DPP6: variants seen among roughly 807,000 people sequenced by gnomAD.
The protein encoded by DPP6 is dipeptidyl peptidase like 6.
In DPP6, 69 loss-of-function variants were observed where a neutral mutation model predicts 122.6. The observed-to-expected ratio is 0.56, with a 90% CI of 0.46 to 0.69. The LOEUF (loss-of-function observed/expected upper bound fraction) is 0.69. DPP6 is among the 30% of genes least tolerant of loss of function. The probability of loss-of-function intolerance (pLI) is 0.00; values close to 1 mark genes in which losing one functional copy is unlikely to be tolerated. For synonymous variants in DPP6, 418 were observed against 433.1 expected (o/e 0.97, Z 0.43); for missense variants, 928 against 1,116.9 (o/e 0.83, Z 2.41).
chr7:154,621,257 T>C (rs989357870), intron 5 of DPP6, among the ~76,000 whole-genome samples: 5 of 152,238 alleles, frequency 3.3e-5, no homozygotes, highest in African/African-American at 1.2e-4. Context: ...GTTTATGTCA[T>C]GTATTAAAAA....
chr7:153,957,229 A>C (rs1436441782), intron 1 of DPP6, among the ~76,000 whole-genome samples: 2 of 152,286 alleles, frequency 1.3e-5, no homozygotes, highest in East Asian at 3.9e-4. Context: ...TGTCAGAAAA[A>C]TCAGTACAGA....
At chr7:154,057,419 T>A (rs1198837558) in intron 1 of DPP6, 3 of 196,240 alleles carry the variant, frequency 1.5e-5, no homozygotes, top group Non-Finnish European at 2.7e-5. Flanking sequence ...GATCCTAAGA[T>A]CCTTAGGACC....
chr7:154,117,171 A>C (rs920231323), intron 1 of DPP6, among the ~76,000 whole-genome samples: 1 of 152,074 alleles, frequency 6.6e-6, no homozygotes, highest in Non-Finnish European at 1.5e-5. Flanking sequence ...CTGTTATTGT[A>C]TCATTTAAAT....
intron 1 of DPP6, among the ~76,000 whole-genome samples, chr7:154,431,822 C>T (rs927478136): frequency 7.9e-5 from 12 of 152,098 alleles, no homozygotes; most frequent in African/African-American, 2.2e-4. Context: ...CGAGAGCCAC[C>T]GCACCCAGCC....
At position 154,877,353 on chromosome 7, in the gene DPP6, G is replaced by C. The variant is rs927222102; in HGVS notation, c.2078+1253G>C. Among the ~76,000 whole-genome samples the C allele has an allele frequency of 6.6e-6, 1 of 152,000 alleles. No individual in the cohort carries two copies. Among genetic ancestry groups the C allele is most frequent in the African/African-American group, 2.4e-5 (1 of 41,372 alleles). ...TCAGATACTCAGGGAAGGAGTGTCT[G>C]CCAGGATGCCTTTGCCTGGAAGTCA... On this transcript the variant is annotated intron_variant, in intron 20 of 25. Coordinates refer to ENST00000377770, the MANE Select transcript of DPP6 (RefSeq NM_130797.4). This position sits in a 1 kb window ranked among gnomAD's most constrained non-coding sequence, Gnocchi z 5.2.
At chr7:154,637,051 C>A (rs896870933) in intron 5 of DPP6, among the ~76,000 whole-genome samples, 1 of 152,160 alleles carries the variant, frequency 6.6e-6, no homozygotes, top group East Asian at 1.9e-4. Context: ...AGGAGGCTGG[C>A]GATGAAGGAT....
chr7:153,963,824 C>T (rs1795485466), intron 1 of DPP6, among the ~76,000 whole-genome samples: 3 of 152,140 alleles, frequency 2.0e-5, no homozygotes, highest in Non-Finnish European at 4.4e-5. Context: ...ACAAAACCAG[C>T]CCCTGGTGCC....
chr7:154,168,931 A>G (rs756979182), intron 1 of DPP6, among the ~76,000 whole-genome samples: 1 of 152,220 alleles, frequency 6.6e-6, no homozygotes, highest in Non-Finnish European at 1.5e-5. Context: ...TTGATCAGGC[A>G]TATCTGTGCA....
At chr7:153,918,014 G>A (rs1981632) in intron 1 of DPP6, among the ~76,000 whole-genome samples, 54,009 of 152,066 alleles carry the variant, frequency 0.36, 10,715 homozygotes, top group African/African-American at 0.52. Context: ...TGTAGAATGT[G>A]TGTCTGATAC....
chr7:153,945,684 T>C (rs995341831), intron 1 of DPP6, among the ~76,000 whole-genome samples: 1 of 152,086 alleles, frequency 6.6e-6, no homozygotes, highest in Non-Finnish European at 1.5e-5. Context: ...GTGGATAAAA[T>C]TGCCAAATTT....
At chr7:153,794,962 A>G in the DPP6 span, among the ~76,000 whole-genome samples, 1 of 152,278 alleles carries the variant, frequency 6.6e-6, no homozygotes, top group African/African-American at 2.4e-5. Flanking sequence ...ATGTGGAACT[A>G]TAAGTCCAAT....
intron 1 of DPP6, among the ~76,000 whole-genome samples, chr7:153,920,203 C>G (rs1800563763): frequency 3.0e-5 from 2 of 67,110 alleles, no homozygotes; most frequent in South Asian, 6.1e-4. Context: ...CCCTGAAAGT[C>G]GAGGGGGTGA....
chr7:153,788,614 C>G, the DPP6 span, among the ~76,000 whole-genome samples: 56 of 152,244 alleles, frequency 3.7e-4, no homozygotes, highest in South Asian at 0.011. Flanking sequence ...ACTGCCATAA[C>G]TTTAAGGGCA....
intron 2 of DPP6, among the ~76,000 whole-genome samples, chr7:154,470,212 C>G (rs957154904): frequency 1.3e-5 from 2 of 152,208 alleles, no homozygotes; most frequent in Non-Finnish European, 2.9e-5. Context: ...ATCTGCCAAC[C>G]GATTCCTCAC....
At chr7:154,314,646 A>G (rs576539965) in intron 1 of DPP6, among the ~76,000 whole-genome samples, 9 of 152,364 alleles carry the variant, frequency 5.9e-5, no homozygotes, top group Non-Finnish European at 1.0e-4. Flanking sequence ...CATCTAATTC[A>G]GCAGTCTAAT....
At chr7:154,178,904 T>C (rs889847431) in intron 1 of DPP6, among the ~76,000 whole-genome samples, 4 of 152,100 alleles carry the variant, frequency 2.6e-5, no homozygotes, top group African/African-American at 7.2e-5. Context: ...TGCTTCAAGA[T>C]AGAACCCAAG....
At chr7:154,728,893 G>A (rs185156203) in intron 8 of DPP6, among the ~76,000 whole-genome samples, 2 of 152,108 alleles carry the variant, frequency 1.3e-5, no homozygotes, top group African/African-American at 2.4e-5. Context: ...CCCATTCATA[G>A]GGGCAACACC....
chr7:153,815,654 C>T, the DPP6 span, among the ~76,000 whole-genome samples: 1 of 152,002 alleles, frequency 6.6e-6, no homozygotes, highest in Admixed American at 6.6e-5. Context: ...ACACAAACTC[C>T]CAAGAAGTTA....
intron 3 of DPP6, among the ~76,000 whole-genome samples, chr7:154,476,115 CT>C: frequency 2.0e-5 from 3 of 152,220 alleles, no homozygotes; most frequent in African/African-American, 7.2e-5. Flanking sequence ...GGCTGTTAGT[CT>C]CCTGCTTAGG....
Sources: allele counts gnomAD v4.1 joint callset (sites outside exome capture counted in the v4.1 genomes callset), GRCh38; gene constraint gnomAD v4.1.1; non-coding constraint Gnocchi (gnomAD v3.1); transcripts MANE v1.5; gene names NCBI Gene and HGNC (gene_info 2026-07-23, HGNC 2026-07-21).